The following ME2 variants were observed in gnomAD, a reference collection of about 807,000 sequenced individuals.
The protein encoded by ME2 is NAD-dependent malic enzyme, mitochondrial.
Under a neutral mutation model 73.7 loss-of-function variants are expected in ME2, and 60 were observed. The ratio of observed to expected loss-of-function variants is 0.81; its 90% CI spans 0.66 to 1.01. The LOEUF is 1.01. Ranked by LOEUF, ME2 falls within the 50% of genes least tolerant of loss-of-function variation. ME2 has a pLI of 0.00. For synonymous variants in ME2, 199 were observed against 236.9 expected (o/e 0.84, Z 1.47); for missense variants, 594 against 705.5 (o/e 0.84, Z 1.79).
At chr18:50,891,865 G>C (rs534010573) in intron 1 of ME2, among the ~76,000 whole-genome samples, 1 of 150,992 alleles carries the variant, frequency 6.6e-6, no homozygotes, top group East Asian at 1.9e-4. Flanking sequence ...CCAGGCTGGA[G>C]TGCAATGGCA....
At chr18:50,889,157 A>T (rs561904061) in intron 1 of ME2, among the ~76,000 whole-genome samples, 1 of 152,022 alleles carries the variant, frequency 6.6e-6, no homozygotes, top group African/African-American at 2.4e-5. Flanking sequence ...CCCCCCCATG[A>T]TAGGAGTGTT....
chr18:50,901,420 A>G (rs898618382), intron 2 of ME2, among the ~76,000 whole-genome samples: 3 of 152,258 alleles, frequency 2.0e-5, no homozygotes, highest in African/African-American at 7.2e-5. Context: ...GCTTAAAGAT[A>G]CAGATAAAAT....
intron 10 of ME2, among the ~76,000 whole-genome samples, 153 bp downstream of exon 10, chr18:50,921,340 CTTG>C (rs1917423158): frequency 6.6e-6 from 1 of 152,142 alleles, no homozygotes; most frequent in Non-Finnish European, 1.5e-5. Context: ...TGTCCCTAGT[CTTG>C]TTGTCTTTTA....
intron 15 of ME2, among the ~76,000 whole-genome samples, chr18:50,945,935 T>TG (rs372616766): frequency 6.6e-6 from 1 of 152,152 alleles, no homozygotes; most frequent in African/African-American, 2.4e-5. Flanking sequence ...GGCATGGTGT[T>TG]GCATGCCTGT....
At chr18:50,886,039 A>T (rs898020072) in intron 1 of ME2, among the ~76,000 whole-genome samples, 1 of 152,142 alleles carries the variant, frequency 6.6e-6, no homozygotes, top group African/African-American at 2.4e-5. Context: ...TTTAGATTGT[A>T]CACATTTAAT....
intron 15 of ME2, among the ~76,000 whole-genome samples, chr18:50,941,034 G>A (rs1302841984): frequency 1.3e-5 from 2 of 151,900 alleles, no homozygotes; most frequent in Non-Finnish European, 2.9e-5. Context: ...GAAGCAGGTG[G>A]AACATCTGAG....
chr18:50,903,178 T>C (rs1246384204), intron 2 of ME2, among the ~76,000 whole-genome samples: 3 of 152,114 alleles, frequency 2.0e-5, no homozygotes, highest in African/African-American at 7.2e-5. Context: ...AAGAGGATGA[T>C]CATTTCTGCT....
chr18:50,952,153 C>T lies in ME2; in HGVS notation c.*4969C>T, dbSNP rs1918240712. On this transcript the variant is annotated 3_prime_UTR_variant, in exon 16 of 16. Transcript: ENST00000321341. ...TGTGCATCTAATTATTAAAATGAAA[C>T]TCTCTACAGGTGAGCTGAAGTAACA... The T allele has an allele frequency of 6.6e-6, 1 of 152,152 alleles. No homozygotes were observed. Among genetic ancestry groups the T allele is most frequent in the South Asian group, 2.1e-4 (1 of 4,830 alleles). 9.4% of individuals were successfully genotyped at this position (152,152 alleles called of 1,614,324 possible). A position where few individuals can be genotyped will look rare whatever the true frequency, so the allele number is the denominator to read the frequency against.
intron 1 of ME2, among the ~76,000 whole-genome samples, chr18:50,882,095 C>T (rs1599079186): frequency 6.6e-6 from 1 of 152,178 alleles, no homozygotes; most frequent in East Asian, 1.9e-4. Flanking sequence ...ACCTCCCATG[C>T]TCAAGCCATC....
rs370331200 is a variant in ME2, at chr18:50,925,808, C to T, written c.1224C>T (p.Ala408=). 5.3e-5 allele frequency: 86 copies of T among 1,613,378 alleles called. No homozygotes were observed. Among genetic ancestry groups the T allele is most frequent in the Non-Finnish European group, 6.5e-5 (77 of 1,179,504 alleles). The part of the protein sequence containing the change: ...LFTPDVIRAM[A]SINERPVIFA... ...CTCCTGATGTAATCAGAGCCATGGC[C>T]TCTATCAATGAAAGGCCTGTAATAT... The change falls in exon 12 of 16, where the codon GCC becomes GCT. Residue 408 remains alanine (A), a synonymous_variant. Transcript: ENST00000321341.
At chr18:50,892,641 A>G (rs1162940819) in intron 1 of ME2, among the ~76,000 whole-genome samples, 1 of 152,114 alleles carries the variant, frequency 6.6e-6, no homozygotes, top group Non-Finnish European at 1.5e-5. Context: ...TGCTGATATA[A>G]TCAGCCACTT....
chr18:50,882,458 C>A (rs1916347051), intron 1 of ME2, among the ~76,000 whole-genome samples: 3 of 152,124 alleles, frequency 2.0e-5, no homozygotes, highest in Admixed American at 6.5e-5. Context: ...ATGTATATAT[C>A]AACATTACTA....
At chr18:50,911,715 A>T (rs1328231507) in intron 3 of ME2, among the ~76,000 whole-genome samples, 1 of 152,190 alleles carries the variant, frequency 6.6e-6, no homozygotes, top group Admixed American at 6.5e-5. Context: ...TTGAGTTGTG[A>T]TGCATTTGAG....
At chr18:50,917,275 A>T in intron 5 of ME2, 72 bp from the exon 6 acceptor site, 1 of 1,221,480 alleles carries the variant, frequency 8.2e-7, no homozygotes, top group African/African-American at 1.5e-5. Context: ...AAGTGAATCA[A>T]TCTTTTAAAA....
In ME2 at chr18:50,927,150, C is replaced by T. The variant is rs539046862; in HGVS notation, c.1314+1252C>T. Among the ~76,000 whole-genome samples the T allele has an allele frequency of 2.0e-5, 3 of 152,236 alleles. No homozygotes were observed. In the South Asian group the frequency reaches 6.2e-4, roughly 32 times the overall value. ...ACTTGACATTTGGGTTTTTTTCCTA[C>T]CATTCTGTAAGGATGTAGTTGTAAT... is the stretch of plus-strand genomic sequence containing the variant. On this transcript the variant is annotated intron_variant, in intron 12 of 15. Coordinates refer to ENST00000321341, the MANE Select transcript of ME2 (RefSeq NM_002396.5).
chr18:50,903,529 C>T (rs1170914186), intron 2 of ME2, among the ~76,000 whole-genome samples: 1 of 152,098 alleles, frequency 6.6e-6, no homozygotes, highest in Non-Finnish European at 1.5e-5. Flanking sequence ...TGGCTCCCTG[C>T]AGCCTCGACC....
At chr18:50,927,215 A>G (rs191297450) in intron 12 of ME2, among the ~76,000 whole-genome samples, 2 of 152,280 alleles carry the variant, frequency 1.3e-5, no homozygotes, top group African/African-American at 4.8e-5. Context: ...TAAGTGATCT[A>G]AGTGGCTCTA....
chr18:50,911,421 A>G (rs1917153005), intron 3 of ME2, among the ~76,000 whole-genome samples: 2 of 152,222 alleles, frequency 1.3e-5, no homozygotes, highest in Admixed American at 6.5e-5. Context: ...TCCTGGAACT[A>G]TAGAAGTATA....
chr18:50,946,857 T>C (rs749336092), intron 15 of ME2, among the ~76,000 whole-genome samples, 160 bp from the exon 16 acceptor site: 4 of 152,218 alleles, frequency 2.6e-5, no homozygotes, highest in Non-Finnish European at 5.9e-5. Context: ...CTTTCCATAG[T>C]TTCCAAATGT....
Sources: gnomAD v4.1 joint callset for allele counts (sites outside exome capture counted in the v4.1 genomes callset) on GRCh38, gnomAD v4.1.1 for gene constraint, MANE v1.5 for transcripts, NCBI Gene and HGNC (gene_info 2026-07-23, HGNC 2026-07-21) for gene names.